The following PCDHA8 variants were observed in gnomAD, a reference collection of about 807,000 sequenced individuals.
PCDHA8 encodes the protein protocadherin alpha-8.
A neutral mutation model predicts 61.8 loss-of-function variants in PCDHA8; 53 were observed. The observed-to-expected ratio is 0.86, with a 90% CI of 0.69 to 1.08. The LOEUF (loss-of-function observed/expected upper bound fraction) is 1.08. Ranked by LOEUF, PCDHA8 falls within the 50% of genes least tolerant of loss-of-function variation. The pLI is 0.00. For missense variants in PCDHA8, 1,293 were observed against 1,245.0 expected (o/e 1.04, Z -0.58); for synonymous variants, 618 against 556.6 (o/e 1.11, Z -1.55).
intron 1 of PCDHA8, among the ~76,000 whole-genome samples, chr5:140,935,149 T>C (rs1241997966): frequency 6.6e-6 from 1 of 152,192 alleles, no homozygotes; most frequent in Admixed American, 6.5e-5. Context: ...CTTAGAGATA[T>C]AATCTCAACA....
intron 1 of PCDHA8, among the ~76,000 whole-genome samples, chr5:140,954,491 T>C (rs1554221443): frequency 6.6e-6 from 1 of 152,264 alleles, no homozygotes; most frequent in Non-Finnish European, 1.5e-5. Flanking sequence ...TATTTCATTG[T>C]GGTTTTGATT....
rs2150362585 is a variant in PCDHA8 at position 140,843,552 on chromosome 5, C to T, written c.2231C>T (p.Ala744Val). The change falls in exon 1 of 4, where the codon GCG (alanine) becomes GTG (valine). Residue 744 changes from alanine (A) to valine (V), a missense_variant. By Grantham distance (64) the Ala-to-Val change is moderately conservative (BLOSUM62 0). Transcript: ENST00000531613. ...AAGCCCACTCTGGTGTGCTCCAGTG[C>T]GGTGGGGAGCTGGTCATACTCGCAA... Reference protein sequence around the residue: ...AGKPTLVCSSAVGSWSYSQQQ... With the variant: ...AGKPTLVCSSVVGSWSYSQQQ... 5.0e-6 allele frequency: 8 copies of T among 1,595,800 alleles called. 2 individuals carry two copies. The highest frequency in any genetic ancestry group is 1.1e-5 in the South Asian group (1 of 90,490).
intron 1 of PCDHA8, chr5:140,967,309 A>G (rs782218334): frequency 6.2e-7 from 1 of 1,611,224 alleles, no homozygotes; most frequent in East Asian, 2.2e-5. Context: ...GCGCCAACTC[A>G]GTACAGACCT....
chr5:140,966,946 C>G (rs377699694), intron 1 of PCDHA8: 3 of 1,603,368 alleles, frequency 1.9e-6, no homozygotes, highest in African/African-American at 2.7e-5. Context: ...TCGTGGGCAA[C>G]GTGGCTCGCG....
chr5:140,849,635 T>A (rs2150443379), intron 1 of PCDHA8: 1 of 1,598,758 alleles, frequency 6.3e-7, no homozygotes, highest in South Asian at 1.1e-5. Flanking sequence ...TAGACGCAGA[T>A]GCCAACGGGC....
rs1359152136 is a variant in PCDHA8, at chr5:140,969,072, C to T, written c.2395-9877C>T. 2.1e-5 allele frequency: 34 copies of T among 1,613,982 alleles called. No individual in the cohort carries two copies. The highest frequency in any genetic ancestry group is 5.0e-5 in the Admixed American group (3 of 59,998). On this transcript the variant is annotated intron_variant, in intron 1 of 3. Transcript: ENST00000531613. ...AACAACAATATTGATGCCAGGATACCGCATGGCCTCAAAGTGCAGCCTCAC... is the reference window on the plus strand; with the variant it reads ...AACAACAATATTGATGCCAGGATACTGCATGGCCTCAAAGTGCAGCCTCAC...
intron 1 of PCDHA8, among the ~76,000 whole-genome samples, chr5:140,974,807 A>T (rs2096641510): frequency 6.6e-6 from 1 of 152,202 alleles, no homozygotes; most frequent in Admixed American, 6.5e-5. Context: ...ATATACTAGA[A>T]GACCAATATG....
intron 1 of PCDHA8, chr5:140,868,008 G>C (rs953372223): frequency 2.2e-4 from 34 of 152,046 alleles, no homozygotes; most frequent in African/African-American, 7.7e-4. Context: ...AACTGAATTA[G>C]ATTAAGGAAA....
intron 1 of PCDHA8, among the ~76,000 whole-genome samples, chr5:140,961,059 G>A (rs2095587077): frequency 6.6e-6 from 1 of 152,076 alleles, no homozygotes; most frequent in African/African-American, 2.4e-5. Flanking sequence ...AATGTTGAAT[G>A]GGATATCTGG....
rs892297422 is a variant in PCDHA8, at chr5:140,851,955, G to T, written c.2394+8240G>T. The T allele has an allele frequency of 3.1e-6, 3 of 975,116 alleles. 1 individual carries two copies. Among genetic ancestry groups the T allele is most frequent in the Non-Finnish European group, 3.7e-6 (3 of 807,888 alleles). The allele number at this position is 975,116 out of a possible 1,614,324, so 60.4% of individuals were successfully genotyped here. A position where few individuals can be genotyped will look rare whatever the true frequency, so the allele number is the denominator to read the frequency against. On this transcript the variant is annotated intron_variant, in intron 1 of 3. Transcript: ENST00000531613. Reference sequence around the variant, plus strand: ...ATTGTAGTATGTGACTTTCAAAATGGTGGTTTTCCACACTCTACCTTTAGT... The same window carrying T: ...ATTGTAGTATGTGACTTTCAAAATGTTGGTTTTCCACACTCTACCTTTAGT...
At position 140,924,716 on chromosome 5, in the gene PCDHA8, G is replaced by A. The variant is rs534222527; in HGVS notation, c.2395-54233G>A. On this transcript the variant is annotated intron_variant, in intron 1 of 3. Coordinates refer to ENST00000531613, the MANE Select transcript of PCDHA8 (RefSeq NM_018911.3). The stretch of plus-strand genomic sequence containing the variant: ...TCGAGACCAGCTTGTGCAACATGGC[G>A]AAACCTCACCTCTAATAAAAATACA... Among the ~76,000 whole-genome samples, 5 of 151,980 alleles carry A rather than the reference G, an allele frequency of 3.3e-5. No homozygotes were observed. The South Asian group carries it at 1.0e-3, about 32-fold the overall frequency.
intron 1 of PCDHA8, among the ~76,000 whole-genome samples, chr5:140,969,721 C>A (rs1399042401): frequency 6.6e-5 from 10 of 152,126 alleles, no homozygotes; most frequent in African/African-American, 2.2e-4. Context: ...GGAAATTTTT[C>A]TTTTGAAATC....
In PCDHA8 at chr5:140,841,406, G is replaced by A; in HGVS notation, c.85G>A (p.Gly29Ser). The part of the protein sequence containing the change: ...LLLAAWKVGS[G>S]QLHYSVPEEA... ...CCTCGCAGCCTGGAAGGTGGGGAGC[G>A]GCCAGCTCCACTACTCCGTCCCCGA... Residue 29 changes from glycine to serine, a missense_variant, in exon 1 of 4, where the codon GGC becomes AGC. Transcript: ENST00000531613. The A allele has an allele frequency of 6.2e-7, 1 of 1,613,082 alleles. No homozygotes were observed. Among genetic ancestry groups the A allele is most frequent in the Non-Finnish European group, 8.5e-7 (1 of 1,179,850 alleles).
chr5:140,841,817 T>G lies in PCDHA8; in HGVS notation c.496T>G (p.Ser166Ala), dbSNP rs142905144. The change falls in exon 1 of 4, where the codon TCC becomes GCC. Residue 166 changes from serine (S) to alanine (A), a missense_variant. Physicochemically the swap from Ser to Ala is moderately conservative, Grantham distance 99. Coordinates refer to ENST00000531613, the MANE Select transcript of PCDHA8 (RefSeq NM_018911.3). ...GASDADVGAN[S>A]VLTYRLSSHD... ...GTCCGATGCAGATGTTGGAGCTAAC[T>G]CCGTGTTAACCTACAGGCTTAGCTC... 5.3e-5 allele frequency: 85 copies of G among 1,613,922 alleles called. No individual in the cohort carries two copies. The African/African-American group carries it at 1.1e-3, about 20-fold the overall frequency.
At chr5:140,984,680 AT>A (rs1180119303) in intron 3 of PCDHA8, among the ~76,000 whole-genome samples, 1 of 152,158 alleles carries the variant, frequency 6.6e-6, no homozygotes, top group East Asian at 1.9e-4. Context: ...TTAGGACTCA[AT>A]ATATGTTCTG....
At chr5:140,963,195 T>TG (rs1323958663) in intron 1 of PCDHA8, among the ~76,000 whole-genome samples, 4 of 150,680 alleles carry the variant, frequency 2.7e-5, no homozygotes, top group Non-Finnish European at 5.9e-5. Flanking sequence ...ACTGTGAAAA[T>TG]GAAAAAAAAA....
intron 1 of PCDHA8, among the ~76,000 whole-genome samples, chr5:140,904,941 G>A (rs782716792): frequency 7.2e-5 from 11 of 152,102 alleles, no homozygotes; most frequent in Admixed American, 3.9e-4. Context: ...CTGGATATTA[G>A]TCCTTTGTCT....
intron 1 of PCDHA8, chr5:140,857,075 A>G: frequency 6.3e-7 from 1 of 1,597,052 alleles, no homozygotes; most frequent in African/African-American, 1.3e-5. Context: ...ACTGGATGAA[A>G]ATGATAATTC....
At chr5:140,892,207 A>C (rs1562863208) in intron 1 of PCDHA8, among the ~76,000 whole-genome samples, 1 of 152,110 alleles carries the variant, frequency 6.6e-6, no homozygotes, top group African/African-American at 2.4e-5. Context: ...TGTGTTTTAA[A>C]ATTGTATCTT....
Sources: gnomAD v4.1 joint callset for allele counts (sites outside exome capture counted in the v4.1 genomes callset) on GRCh38, gnomAD v4.1.1 for gene constraint, MANE v1.5 for transcripts, NCBI Gene and HGNC (gene_info 2026-07-23, HGNC 2026-07-21) for gene names.